Variants in ZNF284 observed in about 807,000 individuals in gnomAD.
ZNF284 encodes zinc finger protein 284.
In ZNF284, 12 loss-of-function variants were observed where a neutral mutation model predicts 12.9. The observed-to-expected ratio is 0.93, with a 90% CI of 0.60 to 1.51. The LOEUF is 1.51. ZNF284 is among the 40% of genes most tolerant of loss of function. The probability of loss-of-function intolerance (pLI) is 0.00; values close to 1 mark genes in which losing one functional copy is unlikely to be tolerated. For missense variants in ZNF284, 667 were observed against 707.3 expected (o/e 0.94, Z 0.65); for synonymous variants, 225 against 236.5 (o/e 0.95, Z 0.45).
intron 3 of ZNF284, 124 bp from the exon 4 acceptor site, chr19:44,081,889 G>A: frequency 1.5e-6 from 1 of 667,330 alleles, no homozygotes; most frequent in Non-Finnish European, 2.6e-6. Context: ...TACAATTCAA[G>A]ATGAGATTTG....
At chr19:44,078,857 C>A (rs1256029533) in intron 2 of ZNF284, among the ~76,000 whole-genome samples, 2 of 152,152 alleles carry the variant, frequency 1.3e-5, no homozygotes, top group African/African-American at 2.4e-5. Flanking sequence ...GTGGCGCAAT[C>A]TTGGCTCACT....
intron 2 of ZNF284, among the ~76,000 whole-genome samples, chr19:44,077,548 T>TTTTTTTTTTTTTG: frequency 6.6e-6 from 1 of 150,394 alleles, no homozygotes; most frequent in African/African-American, 2.4e-5. Flanking sequence ...TTTTTTTTTT[T>TTTTTTTTTTTTTG]TTTTTTTTTT....
At chr19:44,082,147 C>T (rs764246922) in intron 4 of ZNF284, 42 bp downstream of exon 4, 10 of 1,528,584 alleles carry the variant, frequency 6.5e-6, no homozygotes, top group Middle Eastern at 1.7e-4. Flanking sequence ...GTGACCCTTC[C>T]ATCTGTTTTA....
At chr19:44,079,688 C>A (rs533165121) in intron 2 of ZNF284, among the ~76,000 whole-genome samples, 5 of 150,724 alleles carry the variant, frequency 3.3e-5, no homozygotes, top group African/African-American at 1.2e-4. Flanking sequence ...AGCCTGGGGA[C>A]AGAGTGAGAC....
intron 1 of ZNF284, among the ~76,000 whole-genome samples, chr19:44,074,644 T>C (rs1343976593): frequency 6.6e-6 from 1 of 152,082 alleles, no homozygotes; most frequent in East Asian, 1.9e-4. Context: ...GGGCTGGTTA[T>C]AGGGTTTCAC....
chr19:44,083,488 G>C (rs1315938635), intron 4 of ZNF284, among the ~76,000 whole-genome samples: 1 of 75,430 alleles, frequency 1.3e-5, no homozygotes, highest in Non-Finnish European at 2.9e-5. Flanking sequence ...GAGAGAGAGA[G>C]AGAGAGAGAG....
chr19:44,076,455 GA>G, intron 2 of ZNF284, 51 bp downstream of exon 2: 1 of 1,582,236 alleles, frequency 6.3e-7, no homozygotes, highest in Non-Finnish European at 8.6e-7. Context: ...TGCTACTTAA[GA>G]TTGTCACATG....
At position 44,085,965 on chromosome 19, in the gene ZNF284, G is replaced by T; in HGVS notation, c.487G>T (p.Asp163Tyr). The T allele has an allele frequency of 6.2e-7, 1 of 1,614,076 alleles. No individual in the cohort carries two copies. ...KKFFSDVSILDLHQQLHSGKI... is the reference protein window; with the variant it reads ...KKFFSDVSILYLHQQLHSGKI... Reference sequence around the variant, plus strand: ...ATTCTTCAGTGATGTCTCCATCCTTGATCTTCATCAACAATTACACTCAGG... The same window carrying T: ...ATTCTTCAGTGATGTCTCCATCCTTTATCTTCATCAACAATTACACTCAGG... Residue 163 changes from aspartate (D) to tyrosine (Y), a missense_variant, in exon 5 of 5, where the codon GAT (aspartate) becomes TAT (tyrosine). Asp to Tyr is a radical substitution (Grantham distance 160). Coordinates refer to ENST00000421176, the MANE Select transcript of ZNF284 (RefSeq NM_001037813.4).
chr19:44,086,430 G>C lies in ZNF284; in HGVS notation c.952G>C (p.Asp318His). Residue 318 changes from aspartate (D) to histidine (H), a missense_variant, in exon 5 of 5, where the codon GAT becomes CAT. Coordinates refer to ENST00000421176, the MANE Select transcript of ZNF284 (RefSeq NM_001037813.4). ...CATGCAAGAGAAATCATTTAGATGT[G>C]ATACCTGTAGTAATAGCTTTGGTCA... ...VHMQEKSFRC[D>H]TCSNSFGQRS... The C allele has an allele frequency of 6.2e-7, 1 of 1,613,990 alleles. No individual in the cohort carries two copies. The highest frequency in any genetic ancestry group is 8.5e-7 in the Non-Finnish European group (1 of 1,179,932).
In ZNF284 at chr19:44,086,177, T is replaced by C; in HGVS notation, c.699T>C (p.Cys233=). Residue 233 remains cysteine (C), a synonymous_variant, in exon 5 of 5, where the codon TGT becomes TGC. Transcript: ENST00000421176. The stretch of plus-strand genomic sequence containing the variant: ...ACACTGGAGAGAAACCATTCAAATG[T>C]GAGCAGTGTGGGAAAAGTTTCAGCC... ...RIHTGEKPFK[C]EQCGKSFSRR... The C allele has an allele frequency of 6.2e-7, 1 of 1,614,182 alleles. No individual in the cohort carries two copies. The highest frequency in any genetic ancestry group is 8.5e-7 in the Non-Finnish European group (1 of 1,180,042).
chr19:44,085,607 A>T (rs1967219213), intron 4 of ZNF284, 107 bp from the exon 5 acceptor site: 2 of 1,026,300 alleles, frequency 1.9e-6, no homozygotes, highest in Non-Finnish European at 2.9e-6. Flanking sequence ...CACAAACTGT[A>T]CCTTCCTTGT....
chr19:44,079,123 A>G (rs1041186329), intron 2 of ZNF284, among the ~76,000 whole-genome samples: 1 of 152,202 alleles, frequency 6.6e-6, no homozygotes, highest in Admixed American at 6.5e-5. Flanking sequence ...CGGGAGAGTA[A>G]GGTCCACATA....
chr19:44,078,163 T>C (rs1299703818), intron 2 of ZNF284, among the ~76,000 whole-genome samples: 2 of 152,190 alleles, frequency 1.3e-5, no homozygotes, highest in Non-Finnish European at 2.9e-5. Flanking sequence ...AGGACATTAA[T>C]ACATTAATTG....
At chr19:44,073,960 T>G (rs1404009063) in intron 1 of ZNF284, among the ~76,000 whole-genome samples, 1 of 152,264 alleles carries the variant, frequency 6.6e-6, no homozygotes, top group African/African-American at 2.4e-5. Flanking sequence ...TATGGAAATT[T>G]GGAAACACTG....
intron 1 of ZNF284, among the ~76,000 whole-genome samples, chr19:44,074,237 C>T (rs990619372): frequency 6.6e-6 from 1 of 152,014 alleles, no homozygotes; most frequent in African/African-American, 2.4e-5. Flanking sequence ...CCTGTAATCC[C>T]AGCTACTCGG....
chr19:44,085,847 C>A lies in ZNF284; in HGVS notation c.369C>A (p.Phe123Leu), dbSNP rs777399268. 2.2e-4 allele frequency: 55 copies of A among 244,744 alleles called. No individual in the cohort carries two copies. In the East Asian group the frequency reaches 2.9e-3, roughly 13 times the overall value. The allele number at this position is 244,744 out of a possible 1,614,324, so 15.2% of individuals were successfully genotyped here. A position where few individuals can be genotyped will look rare whatever the true frequency, so the allele number is the denominator to read the frequency against. Reference sequence around the variant, plus strand: ...AAGACTCCATAAGTAGCTCTCAGTTCTCCACACAAGGTGATGTCCCCTCCC... The same window carrying A: ...AAGACTCCATAAGTAGCTCTCAGTTATCCACACAAGGTGATGTCCCCTCCC... Reference protein sequence around the residue: ...RPQDSISSSQFSTQGDVPSQV... With the variant: ...RPQDSISSSQLSTQGDVPSQV... Residue 123 changes from phenylalanine (F) to leucine (L), a missense_variant, in exon 5 of 5, where the codon TTC becomes TTA. Transcript: ENST00000421176.
At chr19:44,082,311 G>A (rs1180765958) in intron 4 of ZNF284, among the ~76,000 whole-genome samples, 2 of 152,138 alleles carry the variant, frequency 1.3e-5, no homozygotes, top group Non-Finnish European at 2.9e-5. Context: ...GATCCTTAGG[G>A]AATGTAAGTC....
intron 4 of ZNF284, among the ~76,000 whole-genome samples, chr19:44,082,478 T>A (rs1253706503): frequency 6.6e-6 from 1 of 152,260 alleles, no homozygotes; most frequent in Non-Finnish European, 1.5e-5. Flanking sequence ...TACTCCCTGC[T>A]GTTTCTCCAT....
At chr19:44,080,897 C>A in intron 2 of ZNF284, 118 bp from the exon 3 acceptor site, 1 of 1,305,866 alleles carries the variant, frequency 7.7e-7, no homozygotes, top group Non-Finnish European at 1.0e-6. Flanking sequence ...TGTATGTTGA[C>A]CTACATCTTT....
Sources: allele counts gnomAD v4.1 joint callset (sites outside exome capture counted in the v4.1 genomes callset), GRCh38; gene constraint gnomAD v4.1.1; transcripts MANE v1.5; gene names NCBI Gene and HGNC (gene_info 2026-07-23, HGNC 2026-07-21).